Variants in CTNNA2 observed in about 807,000 individuals in gnomAD.
The protein encoded by CTNNA2 is catenin alpha-2.
In CTNNA2, 42 loss-of-function variants were observed where a neutral mutation model predicts 101.0. The observed-to-expected ratio is 0.42, with a 90% CI of 0.32 to 0.54. The LOEUF (loss-of-function observed/expected upper bound fraction) is 0.54. Among genes scored for constraint, CTNNA2 ranks in the 20% least tolerant of loss-of-function variants. The probability of loss-of-function intolerance (pLI) is 0.14; values close to 1 mark genes in which losing one functional copy is unlikely to be tolerated. For missense variants in CTNNA2, 871 were observed against 1,223.1 expected, an observed-to-expected ratio of 0.71 and a Z score of 4.29; for synonymous variants, 450 against 456.4, an observed-to-expected ratio of 0.99 and a Z score of 0.18.
intron 4 of CTNNA2, among the ~76,000 whole-genome samples, chr2:79,479,698 G>A (rs891055758): frequency 1.4e-4 from 21 of 152,136 alleles, no homozygotes; most frequent in African/African-American, 4.3e-4. Context: ...CGAGGCGGGC[G>A]GATTGCCTGA....
intron 4 of CTNNA2, among the ~76,000 whole-genome samples, chr2:79,409,368 C>G (rs1440396052): frequency 1.3e-5 from 2 of 152,152 alleles, no homozygotes; most frequent in Non-Finnish European, 2.9e-5. Context: ...ACATGAAGTC[C>G]TTGCCCATGC....
chr2:80,253,624 C>A (rs2149110085), intron 7 of CTNNA2, among the ~76,000 whole-genome samples: 1 of 152,258 alleles, frequency 6.6e-6, no homozygotes, highest in Middle Eastern at 3.4e-3. Flanking sequence ...CTGCTCTCTT[C>A]AACCTTTCTT....
intron 9 of CTNNA2, among the ~76,000 whole-genome samples, chr2:80,471,772 TTTTG>T (rs1685322417): frequency 6.6e-6 from 1 of 152,136 alleles, no homozygotes; most frequent in Non-Finnish European, 1.5e-5. Flanking sequence ...AGTAGAGGTT[TTTTG>T]TTTGTCTGTT....
intron 8 of CTNNA2, among the ~76,000 whole-genome samples, chr2:80,406,603 G>A (rs1258814845): frequency 3.9e-5 from 6 of 152,090 alleles, no homozygotes; most frequent in African/African-American, 1.4e-4. Flanking sequence ...GAGGCAGGCG[G>A]ATCATGAGGT....
chr2:79,652,883 A>G (rs1452186661), intron 2 of CTNNA2, among the ~76,000 whole-genome samples: 1 of 152,132 alleles, frequency 6.6e-6, no homozygotes, highest in Non-Finnish European at 1.5e-5. Flanking sequence ...ATATCATCTA[A>G]ATTTCATCAG....
At chr2:79,442,895 C>G (rs991561772) in intron 4 of CTNNA2, among the ~76,000 whole-genome samples, 3 of 152,084 alleles carry the variant, frequency 2.0e-5, no homozygotes, top group African/African-American at 7.2e-5. Context: ...TCTCACAGAA[C>G]TCCTACCTCC....
intron 3 of CTNNA2, among the ~76,000 whole-genome samples, chr2:79,848,054 A>C (rs1680380707): frequency 6.6e-6 from 1 of 152,186 alleles, no homozygotes; most frequent in African/African-American, 2.4e-5. Flanking sequence ...ACATTTATTG[A>C]CTTAAGAATA....
At chr2:80,608,368 C>T in intron 17 of CTNNA2, 50 bp downstream of exon 17, 8 of 1,570,296 alleles carry the variant, frequency 5.1e-6, no homozygotes, top group Non-Finnish European at 6.1e-6. Flanking sequence ...GTTGCACTTC[C>T]AAGGCAAACA....
intron 7 of CTNNA2, among the ~76,000 whole-genome samples, chr2:80,032,944 A>C (rs1457778678): frequency 6.6e-6 from 1 of 151,968 alleles, no homozygotes; most frequent in Non-Finnish European, 1.5e-5. Flanking sequence ...CGAGGTCAAG[A>C]GGTCGAGACC....
intron 9 of CTNNA2, among the ~76,000 whole-genome samples, chr2:80,500,692 C>G (rs911043694): frequency 2.8e-4 from 42 of 152,178 alleles, no homozygotes; most frequent in African/African-American, 9.7e-4. Context: ...CTCCCTCCCC[C>G]TCTTGCTGAC....
intron 7 of CTNNA2, among the ~76,000 whole-genome samples, chr2:80,171,266 C>T (rs1057223847): frequency 1.3e-5 from 2 of 152,190 alleles, no homozygotes; most frequent in African/African-American, 4.8e-5. Context: ...CATGCAATGG[C>T]CGGAAGCTGC....
intron 3 of CTNNA2, among the ~76,000 whole-genome samples, chr2:79,781,152 C>T (rs182194527): frequency 6.6e-6 from 1 of 152,284 alleles, no homozygotes; most frequent in Admixed American, 6.5e-5. Context: ...TGATTATATG[C>T]TAGACAAGTG....
chr2:79,346,476 A>G (rs914193579), intron 3 of CTNNA2, among the ~76,000 whole-genome samples: 6 of 152,102 alleles, frequency 3.9e-5, no homozygotes, highest in African/African-American at 1.4e-4. Context: ...TGCATTAAAG[A>G]CCCAGTCAAC....
intron 2 of CTNNA2, among the ~76,000 whole-genome samples, chr2:79,659,539 A>T (rs1364132497): frequency 6.6e-6 from 1 of 152,138 alleles, no homozygotes. Flanking sequence ...CTCCATTAAG[A>T]CTGTTTGATG....
intron 7 of CTNNA2, among the ~76,000 whole-genome samples, chr2:80,184,162 T>G (rs1573328453): frequency 1.3e-5 from 2 of 152,132 alleles, no homozygotes; most frequent in East Asian, 3.9e-4. Context: ...GACAGCATCA[T>G]AAGAAAAGTG....
At chr2:80,589,691 A>G (rs1305315060) in intron 15 of CTNNA2, among the ~76,000 whole-genome samples, 1 of 152,216 alleles carries the variant, frequency 6.6e-6, no homozygotes, top group African/African-American at 2.4e-5. Context: ...AATAGATTCA[A>G]TGTTGTAATT....
intron 3 of CTNNA2, among the ~76,000 whole-genome samples, chr2:79,754,446 C>G (rs1425880297): frequency 2.6e-5 from 4 of 152,048 alleles, no homozygotes; most frequent in African/African-American, 9.7e-5. Context: ...AGACTACTTC[C>G]CTGACCAGGA....
chr2:80,256,420 A>C (rs1217671312), intron 7 of CTNNA2, among the ~76,000 whole-genome samples: 1 of 152,170 alleles, frequency 6.6e-6, no homozygotes, highest in African/African-American at 2.4e-5. Context: ...ATCTGAATAC[A>C]AAATCAGTAG....
intron 9 of CTNNA2, among the ~76,000 whole-genome samples, chr2:80,540,968 C>T (rs895388118): frequency 2.6e-5 from 4 of 152,178 alleles, no homozygotes; most frequent in Admixed American, 6.5e-5. Flanking sequence ...GGATTATAGG[C>T]GTGAGCCACT....
Sources: allele counts gnomAD v4.1 joint callset (sites outside exome capture counted in the v4.1 genomes callset), GRCh38; gene constraint gnomAD v4.1.1; transcripts MANE v1.5; gene names NCBI Gene and HGNC (gene_info 2026-07-23, HGNC 2026-07-21).